PHEX: variants seen among roughly 807,000 people sequenced by gnomAD.
PHEX encodes the protein phosphate regulating endopeptidase X-linked.
Under a neutral mutation model 68.0 loss-of-function variants are expected in PHEX, and 16 were observed. That is an observed-to-expected ratio of 0.24 (90% confidence interval 0.16 to 0.36). The LOEUF is 0.36. Ranked by LOEUF, PHEX falls within the 10% of genes least tolerant of loss-of-function variation. The pLI is 1.00. For missense variants in PHEX, 480 were observed against 575.5 expected (o/e 0.83, Z 1.70); for synonymous variants, 208 against 205.1 (o/e 1.01, Z -0.12).
intron 16 of PHEX, among the ~76,000 whole-genome samples, chrX:22,218,247 G>A (rs1030518795): frequency 9.0e-6 from 1 of 111,501 alleles, no homozygotes; most frequent in East Asian, 2.8e-4. Context: ...AGTTTCTTAA[G>A]GCCTAGACCC....
chrX:22,045,747 C>T (rs755535188), intron 2 of PHEX, among the ~76,000 whole-genome samples: 2 of 111,830 alleles, frequency 1.8e-5, no homozygotes, highest in Non-Finnish European at 3.8e-5. Context: ...TCAGCCAAGG[C>T]GTCTGTGGAG....
chrX:22,047,326 C>G, intron 3 of PHEX, 115 bp downstream of exon 3: 2 of 646,593 alleles, frequency 3.1e-6, no homozygotes, highest in Non-Finnish European at 5.0e-6. Context: ...ATGCTAAATT[C>G]ATTTCCAAGA....
At chrX:22,235,259 G>A (rs748375135) in intron 20 of PHEX, among the ~76,000 whole-genome samples, 2 of 111,885 alleles carry the variant, frequency 1.8e-5, no homozygotes, top group South Asian at 3.8e-4. Flanking sequence ...CATTGATTTC[G>A]CTGGGAGCTG....
chrX:22,224,947 A>AGTTATCATACAGCGCTGTATGATTT (rs745975380), intron 18 of PHEX, among the ~76,000 whole-genome samples: 1 of 23,247 alleles, frequency 4.3e-5, no homozygotes. Context: ...AAATAACATA[A>AGTTATCATACAGCGCTGTATGATTT]ATTATCATAC....
At chrX:22,235,646 T>A (rs1490520834) in intron 20 of PHEX, among the ~76,000 whole-genome samples, 3 of 111,713 alleles carry the variant, frequency 2.7e-5, no homozygotes, top group Non-Finnish European at 5.6e-5. Context: ...GCCCAACTCC[T>A]AATGCCATCA....
Position 22,247,881 on chromosome X carries a change from A to G in PHEX, c.2178A>G (p.Glu726=), listed in dbSNP as rs1602442694. The part of the protein sequence containing the change: ...RVNGAISNFE[E]FQKAFNCPPN... ...ATGGTGCAATTAGTAACTTTGAAGAATTCCAGAAAGCTTTTAACTGTCCAC... is the reference window on the plus strand; with the variant it reads ...ATGGTGCAATTAGTAACTTTGAAGAGTTCCAGAAAGCTTTTAACTGTCCAC... Residue 726 remains glutamate (E), a synonymous_variant, in exon 22 of 22, where the codon GAA becomes GAG. Transcript: ENST00000379374. 2 of 1,206,881 alleles carry G rather than the reference A, an allele frequency of 1.7e-6. No individual in the cohort carries two copies. The highest frequency in any genetic ancestry group is 3.5e-5 in the African/African-American group (2 of 57,151).
chrX:22,095,257 G>A (rs973684404), intron 7 of PHEX, among the ~76,000 whole-genome samples: 21 of 111,761 alleles, frequency 1.9e-4, no homozygotes, highest in Admixed American at 6.7e-4. Context: ...CAGATGTTTC[G>A]AAGTCCAGGA....
intron 9 of PHEX, 52 bp from the exon 10 acceptor site, chrX:22,111,415 C>A: frequency 1.1e-6 from 1 of 932,920 alleles, no homozygotes; most frequent in Non-Finnish European, 1.6e-6. Context: ...TTCTGCAGAG[C>A]ATCAGATATT....
At chrX:22,197,809 G>C (rs1569424827) in intron 15 of PHEX, among the ~76,000 whole-genome samples, 1 of 110,606 alleles carries the variant, frequency 9.0e-6, no homozygotes, top group Non-Finnish European at 1.9e-5. Flanking sequence ...GTGTGGTTTA[G>C]TGGTTAAGGG....
At chrX:22,086,045 C>G (rs778158437) in intron 5 of PHEX, among the ~76,000 whole-genome samples, 6 of 111,733 alleles carry the variant, frequency 5.4e-5, no homozygotes, top group Admixed American at 9.5e-5. Context: ...AGGTCCTTGC[C>G]TTTTTTTCTG....
chrX:22,190,663 ACT>A (rs1934170213), intron 15 of PHEX, among the ~76,000 whole-genome samples, 161 bp downstream of exon 15: 1 of 110,788 alleles, frequency 9.0e-6, no homozygotes, highest in African/African-American at 3.3e-5. Flanking sequence ...AATTTTCCTC[ACT>A]CTCTTCACCT....
intron 3 of PHEX, among the ~76,000 whole-genome samples, chrX:22,058,668 A>AT (rs753814468): frequency 8.9e-6 from 1 of 112,395 alleles, no homozygotes; most frequent in Admixed American, 9.4e-5. Flanking sequence ...TAACACATTC[A>AT]TTGGAGGCCA....
At position 22,089,989 on chromosome X, in the gene PHEX, A is replaced by G. The variant is rs766917244; in HGVS notation, c.664-440A>G. Among the ~76,000 whole-genome samples, 7 of 112,310 alleles carry G rather than the reference A, an allele frequency of 6.2e-5. No homozygotes were observed. The South Asian group carries it at 2.6e-3, about 42-fold the overall frequency. ...TCTATACAGATTGGCATTTTGCAAA[A>G]CACTGCAATGAGAAAAATACTGGAA... On this transcript the variant is annotated intron_variant, in intron 5 of 21. Coordinates refer to ENST00000379374, the MANE Select transcript of PHEX (RefSeq NM_000444.6).
intron 12 of PHEX, among the ~76,000 whole-genome samples, chrX:22,167,866 A>G (rs750819118): frequency 9.0e-6 from 1 of 111,003 alleles, no homozygotes; most frequent in East Asian, 2.8e-4. Context: ...TATTTTGGAT[A>G]TTAACCCTTT....
chrX:22,065,547 TC>T (rs1330014763), intron 3 of PHEX, among the ~76,000 whole-genome samples: 1 of 111,438 alleles, frequency 9.0e-6, no homozygotes, highest in East Asian at 2.8e-4. Context: ...TGCCTCAGCC[TC>T]CCAAGTAGCT....
At chrX:22,115,099 G>A (rs1023524404) in intron 11 of PHEX, among the ~76,000 whole-genome samples, 22 of 111,521 alleles carry the variant, frequency 2.0e-4, no homozygotes, top group Non-Finnish European at 3.8e-4. Context: ...AGGCTAAGCC[G>A]GGCAGATCAC....
intron 16 of PHEX, among the ~76,000 whole-genome samples, chrX:22,216,597 G>GCAAC (rs1935105267): frequency 1.8e-5 from 2 of 110,239 alleles, no homozygotes; most frequent in Admixed American, 1.9e-4. Context: ...TCAGCTCACT[G>GCAAC]CAACCTCCGC....
intron 20 of PHEX, among the ~76,000 whole-genome samples, chrX:22,238,075 G>T (rs181658693): frequency 9.5e-4 from 106 of 112,158 alleles, no homozygotes; most frequent in Non-Finnish European, 1.5e-3. Context: ...TGAGGAGTTA[G>T]TTAGTTTGAG....
intron 14 of PHEX, among the ~76,000 whole-genome samples, chrX:22,188,997 C>T (rs1306664636): frequency 6.2e-5 from 7 of 112,554 alleles, no homozygotes; most frequent in African/African-American, 1.9e-4. Context: ...CCCACAAATA[C>T]GTGAGATCTC....
Sources: gnomAD v4.1 joint callset for allele counts (sites outside exome capture counted in the v4.1 genomes callset) on GRCh38, gnomAD v4.1.1 for gene constraint, MANE v1.5 for transcripts, NCBI Gene and HGNC (gene_info 2026-07-23, HGNC 2026-07-21) for gene names.